The following AGAP1 variants were observed in gnomAD, a reference collection of about 807,000 sequenced individuals.
AGAP1 encodes arf-GAP with GTPase, ANK repeat and PH domain-containing protein 1.
A neutral mutation model predicts 105.3 loss-of-function variants in AGAP1; 29 were observed. That is an observed-to-expected ratio of 0.28 (90% CI 0.21 to 0.38). The LOEUF (loss-of-function observed/expected upper bound fraction) is 0.38, where lower values mean the gene tolerates loss of function less well. AGAP1 is among the 10% of genes least tolerant of loss of function. The pLI is 1.00. For missense variants in AGAP1, 998 were observed against 1,165.1 expected (o/e 0.86, Z 2.09); for synonymous variants, 509 against 485.9 (o/e 1.05, Z -0.63).
chr2:236,094,051 G>C (rs2059128749), intron 16 of AGAP1, among the ~76,000 whole-genome samples: 1 of 152,096 alleles, frequency 6.6e-6, no homozygotes, highest in Admixed American at 6.5e-5. Context: ...TGTATTCATA[G>C]GTCAGAAATA....
Position 235,728,783 on chromosome 2 carries a change from G to T in AGAP1, c.310+11139G>T, listed in dbSNP as rs1425231932. Among the ~76,000 whole-genome samples, 1 of 152,210 alleles carries T rather than the reference G, an allele frequency of 6.6e-6. No homozygotes were observed. The highest frequency in any genetic ancestry group is 2.4e-5 in the African/African-American group (1 of 41,450). On this transcript the variant is annotated intron_variant, in intron 3 of 17. Coordinates refer to ENST00000304032, the MANE Select transcript of AGAP1 (RefSeq NM_001037131.3). This position sits in a 1 kb window ranked among gnomAD's most constrained non-coding sequence, Gnocchi z 4.3. ...TTGAAATGAAAGCGTGCCTAGTGGAGCAAGAGCGGGGCGGGGAGGAGGGGA... is the reference window on the plus strand; with the variant it reads ...TTGAAATGAAAGCGTGCCTAGTGGATCAAGAGCGGGGCGGGGAGGAGGGGA...
Position 235,797,779 on chromosome 2 carries a change from A to G in AGAP1, c.694A>G (p.Thr232Ala). The change falls in exon 7 of 18, where the codon ACA becomes GCA. Residue 232 changes from threonine to alanine, a missense_variant. Physicochemically the swap from Thr to Ala is moderately conservative, Grantham distance 58. Around this residue, in one of 3 missense-constraint regions of AGAP1, gnomAD observed 735 missense variants for 833.4 expected, o/e 0.88. Transcript: ENST00000304032. ...ACCAGTTGCCCAGAAGATTGTTGCCACAAGGAAGAAGCAGCAGCTGTCCAT... is the reference window on the plus strand; with the variant it reads ...ACCAGTTGCCCAGAAGATTGTTGCCGCAAGGAAGAAGCAGCAGCTGTCCAT... ...FQDVAQKIVA[T>A]RKKQQLSIGP... 1 of 1,614,178 alleles carries G rather than the reference A, an allele frequency of 6.2e-7. No individual in the cohort carries two copies. Among genetic ancestry groups the G allele is most frequent in the Non-Finnish European group, 8.5e-7 (1 of 1,180,032 alleles).
chr2:236,045,545 G>C lies in AGAP1; in HGVS notation c.1892-3514G>C, dbSNP rs1445093261. On this transcript the variant is annotated intron_variant, in intron 15 of 17. Transcript: ENST00000304032. The surrounding 1 kb of genome is among the most constrained non-coding windows in gnomAD (Gnocchi z 6.9). The stretch of plus-strand genomic sequence containing the variant: ...CAGAGGACAAAGGTGGAAAGGCAGT[G>C]CTAGCAGGTGGCACGCACACAGGTG... 6.6e-6 allele frequency among the ~76,000 whole-genome samples: 1 copy of C among 152,252 alleles called. No individual in the cohort carries two copies. Among genetic ancestry groups the C allele is most frequent in the Non-Finnish European group, 1.5e-5 (1 of 68,044 alleles).
chr2:235,987,599 ATTAGTTCG>A (rs2055375795), intron 13 of AGAP1, among the ~76,000 whole-genome samples: 1 of 144,968 alleles, frequency 6.9e-6, no homozygotes, highest in African/African-American at 2.6e-5. Flanking sequence ...TAGCTTTTGG[ATTAGTTCG>A]TTGTTGCCTC....
rs1337502350 is a variant in AGAP1, at chr2:236,078,731, C to A, written c.2114+29450C>A. On this transcript the variant is annotated intron_variant, in intron 16 of 17. Coordinates refer to ENST00000304032, the MANE Select transcript of AGAP1 (RefSeq NM_001037131.3). The surrounding 1 kb of genome is among the most constrained non-coding windows in gnomAD (Gnocchi z 5.3). ...TGGGTGCTAGATGGGACCATGGGAC[C>A]CAAGTCCACCCTCTGGCCCCTTCTC... is the stretch of plus-strand genomic sequence containing the variant. Among the ~76,000 whole-genome samples the A allele has an allele frequency of 6.6e-6, 1 of 152,114 alleles. No homozygotes were observed. The highest frequency in any genetic ancestry group is 1.5e-5 in the Non-Finnish European group (1 of 68,020).
At chr2:235,807,110 G>A (rs1957875510) in intron 8 of AGAP1, 129 bp from the exon 9 acceptor site, 2 of 817,378 alleles carry the variant, frequency 2.4e-6, no homozygotes, top group African/African-American at 1.8e-5. Flanking sequence ...CGTCGGACGT[G>A]TCTGTGCGCA....
intron 6 of AGAP1, among the ~76,000 whole-genome samples, chr2:235,772,061 TCTTGGCTTACTG>T (rs1955504884): frequency 6.7e-6 from 1 of 150,064 alleles, no homozygotes; most frequent in South Asian, 2.1e-4. Context: ...AGTGGTGCGA[TCTTGGCTTACTG>T]CAACCTCCGC....
chr2:235,765,770 C>T (rs1319555719), intron 6 of AGAP1, among the ~76,000 whole-genome samples: 3 of 152,200 alleles, frequency 2.0e-5, no homozygotes, highest in Non-Finnish European at 4.4e-5. Context: ...TCTCATTCAA[C>T]GTTGTGAGTA....
In AGAP1 at chr2:235,869,420, TAAAAAAAAAAAA is replaced by T. The variant is rs35813316; in HGVS notation, c.1051-13905_1051-13894del. 6.4e-3 allele frequency among the ~76,000 whole-genome samples: 319 copies of T among 49,966 alleles called. 2 individuals carry two copies. The highest frequency in any genetic ancestry group is 0.017 in the African/African-American group (263 of 15,708). The allele number at this position is 49,966 out of a possible 152,430, so 32.8% of individuals were successfully genotyped here. ...CAACATGGTGAAACTCCATCTCTAC[TAAAAAAAAAAAA>T]AAAAAAAAAAAAAAAAAAATTAGCC... On this transcript the variant is annotated intron_variant, in intron 9 of 17. Transcript: ENST00000304032.
intron 16 of AGAP1, among the ~76,000 whole-genome samples, chr2:236,081,302 TTAAAAA>T (rs907425328): frequency 2.0e-5 from 3 of 152,110 alleles, no homozygotes; most frequent in African/African-American, 7.2e-5. Context: ...ACTTTCTTCT[TTAAAAA>T]TAAAAAGAGA....
intron 6 of AGAP1, among the ~76,000 whole-genome samples, chr2:235,781,707 G>T (rs917673750): frequency 2.6e-5 from 4 of 152,160 alleles, no homozygotes; most frequent in African/African-American, 9.7e-5. Flanking sequence ...TAATGCAGTG[G>T]GCTCTGGAAG....
intron 1 of AGAP1, among the ~76,000 whole-genome samples, chr2:235,512,557 A>G (rs1441966881): frequency 9.9e-5 from 15 of 152,230 alleles, no homozygotes; most frequent in Admixed American, 3.9e-4. Context: ...TTGCACCACT[A>G]CCCTCCAACC....
chr2:235,869,600 C>G (rs556199527), intron 9 of AGAP1, among the ~76,000 whole-genome samples: 1 of 152,198 alleles, frequency 6.6e-6, no homozygotes, highest in South Asian at 2.1e-4. Context: ...GACTCCGTCT[C>G]AAAAATAAAA....
chr2:236,014,731 C>G lies in AGAP1; in HGVS notation c.1646-21830C>G, dbSNP rs1205299743. On this transcript the variant is annotated intron_variant, in intron 13 of 17. Transcript: ENST00000304032. This position sits in a 1 kb window ranked among gnomAD's most constrained non-coding sequence, Gnocchi z 6.3. ...GCTACTTTGACCTTTTTTTTTCTCC[C>G]CTTTTCATTTGTTTTCTTTTCCTTT... is the stretch of plus-strand genomic sequence containing the variant. 1 of 388,228 alleles carries G rather than the reference C, an allele frequency of 2.6e-6. No homozygotes were observed. The highest frequency in any genetic ancestry group is 5.3e-6 in the Non-Finnish European group (1 of 189,772). 24.0% of individuals were successfully genotyped at this position (388,228 alleles called of 1,614,324 possible).
chr2:235,635,336 C>T lies in AGAP1; in HGVS notation c.164-73843C>T, dbSNP rs950742029. On this transcript the variant is annotated intron_variant, in intron 1 of 17. Coordinates refer to ENST00000304032, the MANE Select transcript of AGAP1 (RefSeq NM_001037131.3). The surrounding 1 kb of genome is among the most constrained non-coding windows in gnomAD (Gnocchi z 5.3). ...CCCGTGAGTGAGCTGCGCACAGTCT[C>T]CTTGTACAAGCAGGACATTTCTCCG... 2.6e-5 allele frequency among the ~76,000 whole-genome samples: 4 copies of T among 152,166 alleles called. No homozygotes were observed. Among genetic ancestry groups the T allele is most frequent in the Non-Finnish European group, 5.9e-5 (4 of 68,038 alleles).
In AGAP1 at chr2:235,621,967, T is replaced by C. The variant is rs1946498650; in HGVS notation, c.164-87212T>C. ...TTCTGACGGCCTCTTACAGACTCTG[T>C]CCTTTTTGTTGTAGCTGATGGAGCA... is the stretch of plus-strand genomic sequence containing the variant. On this transcript the variant is annotated intron_variant, in intron 1 of 17. Transcript: ENST00000304032. The surrounding 1 kb of genome is among the most constrained non-coding windows in gnomAD (Gnocchi z 4.1). Among the ~76,000 whole-genome samples, 1 of 151,998 alleles carries C rather than the reference T, an allele frequency of 6.6e-6. No homozygotes were observed. The highest frequency in any genetic ancestry group is 1.5e-5 in the Non-Finnish European group (1 of 67,998).
At position 235,553,888 on chromosome 2, in the gene AGAP1, A is replaced by G. The variant is rs1386679989; in HGVS notation, c.163+59039A>G. Among the ~76,000 whole-genome samples, 1 of 152,226 alleles carries G rather than the reference A, an allele frequency of 6.6e-6. No individual in the cohort carries two copies. Among genetic ancestry groups the G allele is most frequent in the Non-Finnish European group, 1.5e-5 (1 of 68,040 alleles). On this transcript the variant is annotated intron_variant, in intron 1 of 17. Coordinates refer to ENST00000304032, the MANE Select transcript of AGAP1 (RefSeq NM_001037131.3). The surrounding 1 kb of genome is among the most constrained non-coding windows in gnomAD (Gnocchi z 4.5). The stretch of plus-strand genomic sequence containing the variant: ...AACTTCCACGTAAGGATCCCGAAGC[A>G]CGGTTGCCTCCGCCTCCCACCCCAC...
chr2:235,934,254 C>T lies in AGAP1; in HGVS notation c.1483+3331C>T, dbSNP rs2052874761. Reference sequence around the variant, plus strand: ...TCTGGGATCACATGGCATGCTGAAGCTTGGGAACCACTGCTGTAAGTCCTC... The same window carrying T: ...TCTGGGATCACATGGCATGCTGAAGTTTGGGAACCACTGCTGTAAGTCCTC... On this transcript the variant is annotated intron_variant, in intron 12 of 17. Coordinates refer to ENST00000304032, the MANE Select transcript of AGAP1 (RefSeq NM_001037131.3). This position sits in a 1 kb window ranked among gnomAD's most constrained non-coding sequence, Gnocchi z 4.9. 1.3e-5 allele frequency among the ~76,000 whole-genome samples: 2 copies of T among 152,190 alleles called. No homozygotes were observed. The highest frequency in any genetic ancestry group is 4.8e-5 in the African/African-American group (2 of 41,450).
rs1363083786 is a variant in AGAP1, at chr2:235,693,225, GTGCAGTCTT to G, written c.164-15949_164-15941del. Among the ~76,000 whole-genome samples the G allele has an allele frequency of 2.1e-4, 32 of 152,212 alleles. 1 individual carries two copies. Among genetic ancestry groups the G allele is most frequent in the Admixed American group, 1.9e-3 (29 of 15,280 alleles). ...TAGAGGAGGGGGCTTTGGGGCTGCA[GTGCAGTCTT>G]TGCAAAGGGTTCAAGGGTCCTGAAG... On this transcript the variant is annotated intron_variant, in intron 1 of 17. Transcript: ENST00000304032.
Sources: gnomAD v4.1 joint callset for allele counts (sites outside exome capture counted in the v4.1 genomes callset) on GRCh38, gnomAD v4.1.1 for gene constraint, gnomAD v4.1.1 regional missense constraint, Gnocchi (gnomAD v3.1) non-coding constraint, MANE v1.5 for transcripts, NCBI Gene and HGNC (gene_info 2026-07-23, HGNC 2026-07-21) for gene names.